Variants in CDH18 observed in about 807,000 individuals in gnomAD.
CDH18 encodes cadherin 18, also known as cadherin-18.
In CDH18, 31 loss-of-function variants were observed where a neutral mutation model predicts 67.9. The observed-to-expected ratio is 0.46, with a 90% CI of 0.34 to 0.62. The LOEUF (loss-of-function observed/expected upper bound fraction) is 0.62, where lower values mean the gene tolerates loss of function less well. CDH18 is among the 20% of genes least tolerant of loss of function. CDH18 has a pLI of 0.01. For synonymous variants in CDH18, 362 were observed against 347.2 expected, an observed-to-expected ratio of 1.04 and a Z score of -0.48; for missense variants, 890 against 975.5, an observed-to-expected ratio of 0.91 and a Z score of 1.17.
intron 2 of CDH18, among the ~76,000 whole-genome samples, chr5:19,873,625 T>G (rs1232113313): frequency 6.6e-6 from 1 of 152,182 alleles, no homozygotes; most frequent in East Asian, 1.9e-4. Context: ...CTTTATGTTT[T>G]GTACTTTCAA....
rs116530145 is a variant in CDH18, at chr5:20,544,307, G to A, written c.-580+31155C>T. Among the ~76,000 whole-genome samples the A allele has an allele frequency of 9.0e-3, 1,363 of 152,056 alleles. 22 individuals carry two copies. Among genetic ancestry groups the A allele is most frequent in the African/African-American group, 0.031 (1,299 of 41,444 alleles). ...AATTCAAATGCAAATCAAGCCATGAGTTTAAAAAAAGCACACATAAACACA... is the reference window on the plus strand; with the variant it reads ...AATTCAAATGCAAATCAAGCCATGAATTTAAAAAAAGCACACATAAACACA... On this transcript the variant is annotated intron_variant, in intron 1 of 14. Coordinates refer to the CDH18 transcript ENST00000507958.
At chr5:20,318,026 A>G (rs1490359484) in intron 1 of CDH18, among the ~76,000 whole-genome samples, 1 of 130,534 alleles carries the variant, frequency 7.7e-6, no homozygotes, top group African/African-American at 3.1e-5. Flanking sequence ...GGAGTAATGA[A>G]AACTATATAG....
At chr5:20,531,030 C>T (rs1756368522) in intron 1 of CDH18, among the ~76,000 whole-genome samples, 1 of 151,950 alleles carries the variant, frequency 6.6e-6, no homozygotes, top group African/African-American at 2.4e-5. Flanking sequence ...GGAACTTCAG[C>T]AAATTTACAA....
chr5:19,697,701 T>C (rs1762713926), intron 5 of CDH18, among the ~76,000 whole-genome samples: 2 of 152,122 alleles, frequency 1.3e-5, no homozygotes, highest in African/African-American at 4.8e-5. Context: ...AATAAGTGAA[T>C]AAAAAACACT....
chr5:20,054,245 A>T (rs552090685), intron 2 of CDH18, among the ~76,000 whole-genome samples: 48 of 152,180 alleles, frequency 3.2e-4, no homozygotes, highest in Non-Finnish European at 3.1e-4. Context: ...GGGTGCCACT[A>T]GATAGTGCTT....
intron 11 of CDH18, among the ~76,000 whole-genome samples, chr5:19,499,720 T>C (rs1369635007): frequency 6.6e-6 from 1 of 152,176 alleles, no homozygotes. Context: ...AATTCATTTT[T>C]CTGATTTCTT....
intron 2 of CDH18, among the ~76,000 whole-genome samples, chr5:19,889,955 C>T (rs765604388): frequency 1.5e-4 from 23 of 151,970 alleles, no homozygotes; most frequent in Admixed American, 1.2e-3. Flanking sequence ...CAGGAAAAGG[C>T]CAAATGGTTA....
chr5:20,057,760 G>C (rs987465139), intron 2 of CDH18, among the ~76,000 whole-genome samples: 1 of 151,862 alleles, frequency 6.6e-6, no homozygotes, highest in Non-Finnish European at 1.5e-5. Context: ...TTTCTAATTT[G>C]TTTCAGCAAT....
intron 2 of CDH18, among the ~76,000 whole-genome samples, chr5:20,243,830 T>G (rs890928728): frequency 1.3e-5 from 2 of 152,114 alleles, no homozygotes; most frequent in Non-Finnish European, 2.9e-5. Flanking sequence ...AGGCACTAGC[T>G]CAAGGATTGG....
At chr5:20,419,462 GTTTTTTTTTTTT>G (rs202130030) in intron 1 of CDH18, among the ~76,000 whole-genome samples, 93 of 75,662 alleles carry the variant, frequency 1.2e-3, no homozygotes, top group Non-Finnish European at 2.1e-3. Flanking sequence ...ATGGGACTCT[GTTTTTTTTTTTT>G]TTTTTTTTTT....
intron 2 of CDH18, among the ~76,000 whole-genome samples, chr5:20,142,561 C>CAG (rs951284990): frequency 6.7e-6 from 1 of 149,380 alleles, no homozygotes; most frequent in East Asian, 2.0e-4. Context: ...GCCTGGACAA[C>CAG]AGAGAGAGAC....
intron 2 of CDH18, among the ~76,000 whole-genome samples, chr5:19,856,865 A>G (rs1784343587): frequency 6.6e-6 from 1 of 152,140 alleles, no homozygotes; most frequent in Non-Finnish European, 1.5e-5. Context: ...GCCCTAGCAA[A>G]TGAACACACT....
chr5:20,174,981 T>G (rs557025417), intron 2 of CDH18, among the ~76,000 whole-genome samples: 104 of 152,298 alleles, frequency 6.8e-4, no homozygotes, highest in Non-Finnish European at 1.1e-3. Flanking sequence ...ATGAGAAATC[T>G]TTCTTTTATC....
intron 1 of CDH18, among the ~76,000 whole-genome samples, chr5:20,386,544 C>T (rs188650195): frequency 5.9e-5 from 9 of 152,054 alleles, no homozygotes; most frequent in South Asian, 2.1e-4. Flanking sequence ...TATCCACATA[C>T]GCCCCTTACA....
chr5:19,897,938 T>C (rs1385020517), intron 2 of CDH18, among the ~76,000 whole-genome samples: 1 of 152,094 alleles, frequency 6.6e-6, no homozygotes, highest in Admixed American at 6.5e-5. Context: ...TGTTTCTTTA[T>C]CTGGATGAAG....
intron 3 of CDH18, among the ~76,000 whole-genome samples, chr5:19,813,501 C>A (rs188891694): frequency 9.2e-5 from 14 of 151,954 alleles, no homozygotes; most frequent in African/African-American, 3.4e-4. Context: ...ATTTTAATAT[C>A]TCATTAGAGA....
At chr5:19,678,669 C>T (rs1005098920) in intron 5 of CDH18, among the ~76,000 whole-genome samples, 1 of 151,714 alleles carries the variant, frequency 6.6e-6, no homozygotes, top group African/African-American at 2.4e-5. Context: ...CTACTATGAA[C>T]ACTTCCATGC....
At chr5:19,719,949 GAA>G (rs1043261302) in intron 5 of CDH18, among the ~76,000 whole-genome samples, 2 of 150,322 alleles carry the variant, frequency 1.3e-5, no homozygotes, top group East Asian at 3.9e-4. Flanking sequence ...AAGAAAGAAA[GAA>G]AGAAAGAAGG....
chr5:20,398,989 G>A (rs923728657), intron 1 of CDH18, among the ~76,000 whole-genome samples: 1 of 151,934 alleles, frequency 6.6e-6, no homozygotes, highest in Non-Finnish European at 1.5e-5. Flanking sequence ...AACCACCATG[G>A]CACATGTATA....
Sources: gnomAD v4.1 joint callset for allele counts (sites outside exome capture counted in the v4.1 genomes callset) on GRCh38, gnomAD v4.1.1 for gene constraint, MANE v1.5 for transcripts, NCBI Gene and HGNC (gene_info 2026-07-23, HGNC 2026-07-21) for gene names.